FBRSL1: variants seen among roughly 807,000 people sequenced by gnomAD.
FBRSL1 encodes fibrosin like 1.
In FBRSL1, 51 loss-of-function variants were observed where a neutral mutation model predicts 89.6. The observed-to-expected ratio is 0.57, with a 90% CI of 0.45 to 0.72. The LOEUF is 0.72. Ranked by LOEUF, FBRSL1 falls within the 30% of genes least tolerant of loss-of-function variation. FBRSL1 has a pLI of 0.00. For synonymous variants in FBRSL1, 779 were observed against 681.1 expected, an observed-to-expected ratio of 1.14 and a Z score of -2.24; for missense variants, 1,618 against 1,451.8, an observed-to-expected ratio of 1.11 and a Z score of -1.86.
chr12:132,573,688 C>T (rs867475957), intron 11 of FBRSL1, among the ~76,000 whole-genome samples: 4 of 152,236 alleles, frequency 2.6e-5, no homozygotes, highest in Non-Finnish European at 5.9e-5. Flanking sequence ...GTGTGATGGC[C>T]GGTCTTTGCT....
At chr12:132,491,877 G>T (rs1045850036) in intron 1 of FBRSL1, among the ~76,000 whole-genome samples, 7 of 152,250 alleles carry the variant, frequency 4.6e-5, no homozygotes, top group Non-Finnish European at 1.0e-4. Flanking sequence ...CAGAGCTGGG[G>T]CTTCGTGTCC....
rs187027428 is a variant in FBRSL1 at position 132,564,722 on chromosome 12, C to G, written c.646-2759C>G. On this transcript the variant is annotated intron_variant, in intron 5 of 18. Transcript: ENST00000680143. Reference sequence around the variant, plus strand: ...GTGTTAGCCAGGATGGTCTCGATCTCCTGACCTCGTGATCCGCCCTCCTCG... The same window carrying G: ...GTGTTAGCCAGGATGGTCTCGATCTGCTGACCTCGTGATCCGCCCTCCTCG... Among the ~76,000 whole-genome samples, 143 of 71,902 alleles carry G rather than the reference C, an allele frequency of 2.0e-3. 7 individuals carry two copies. The highest frequency in any genetic ancestry group is 7.0e-3 in the African/African-American group (84 of 11,922). The allele number at this position is 71,902 out of a possible 152,430, so 47.2% of individuals were successfully genotyped here.
intron 5 of FBRSL1, among the ~76,000 whole-genome samples, chr12:132,559,410 G>A (rs1209277139): frequency 6.6e-6 from 1 of 151,822 alleles, no homozygotes; most frequent in Non-Finnish European, 1.5e-5. Context: ...TCCTTTTTTT[G>A]AGACCTTGTC....
chr12:132,535,440 G>A (rs1355097565), intron 4 of FBRSL1, among the ~76,000 whole-genome samples: 1 of 152,258 alleles, frequency 6.6e-6, no homozygotes, highest in Non-Finnish European at 1.5e-5. Context: ...ACACTGGTGA[G>A]GCCTCTGAGG....
rs549929710 is a variant in FBRSL1 at position 132,569,071 on chromosome 12, G to A, written c.692-855G>A. The stretch of plus-strand genomic sequence containing the variant: ...TGGAACGTTGTTTTGTTTCTCCTGC[G>A]AAACTGGCCCCCTGACCGTGGCAGC... On this transcript the variant is annotated intron_variant, in intron 6 of 18. Coordinates refer to ENST00000680143, the MANE Select transcript of FBRSL1 (RefSeq NM_001367871.1). 8.5e-5 allele frequency among the ~76,000 whole-genome samples: 13 copies of A among 152,272 alleles called. No homozygotes were observed. In the South Asian group the frequency reaches 1.7e-3, roughly 19 times the overall value.
intron 18 of FBRSL1, among the ~76,000 whole-genome samples, chr12:132,582,593 C>T (rs1018590418): frequency 6.6e-6 from 1 of 151,858 alleles, no homozygotes; most frequent in Non-Finnish European, 1.5e-5. Flanking sequence ...GGGTGAAGAC[C>T]CCACCACAGG....
chr12:132,556,419 C>T (rs1233299034), intron 5 of FBRSL1, among the ~76,000 whole-genome samples: 2 of 152,132 alleles, frequency 1.3e-5, no homozygotes, highest in African/African-American at 4.8e-5. Context: ...CCCCACGCCA[C>T]GACTCAAGGC....
At chr12:132,573,600 G>A (rs192944121) in intron 11 of FBRSL1, among the ~76,000 whole-genome samples, 4 of 152,298 alleles carry the variant, frequency 2.6e-5, no homozygotes, top group South Asian at 2.1e-4. Context: ...GCCGCACCCC[G>A]AGCACAGCTG....
intron 4 of FBRSL1, among the ~76,000 whole-genome samples, chr12:132,539,482 C>T (rs2037047506): frequency 9.0e-6 from 1 of 110,964 alleles, no homozygotes; most frequent in Non-Finnish European, 1.8e-5. Context: ...CCCACCCAGT[C>T]CTGCCCTCCA....
chr12:132,528,456 C>T (rs1310855767), intron 4 of FBRSL1, among the ~76,000 whole-genome samples: 2 of 152,136 alleles, frequency 1.3e-5, no homozygotes, highest in Admixed American at 6.5e-5. Context: ...TGCCTCACCC[C>T]GGACAGAAAG....
In FBRSL1 at chr12:132,582,174, G is replaced by T; in HGVS notation, c.2109G>T (p.Pro703=). The T allele has an allele frequency of 5.2e-6, 8 of 1,550,026 alleles. No homozygotes were observed. The highest frequency in any genetic ancestry group is 7.0e-6 in the Non-Finnish European group (8 of 1,146,806). ...LHRAPPSFPA[P]PPWPKSVDAE... is the part of the protein sequence containing the mutation. ...GGGCACCGCCCTCCTTCCCGGCTCC[G>T]CCCCCGTGGCCCAAGTCCGTGGACG... Residue 703 remains proline, a synonymous_variant, in exon 18 of 19, where the codon CCG becomes CCT. Transcript: ENST00000680143.
chr12:132,538,899 C>T (rs895175118), intron 4 of FBRSL1, among the ~76,000 whole-genome samples: 5 of 152,276 alleles, frequency 3.3e-5, no homozygotes, highest in Admixed American at 6.5e-5. Context: ...CCCAGGACAG[C>T]GAGAGGAAGG....
chr12:132,558,367 C>T (rs887802487), intron 5 of FBRSL1, among the ~76,000 whole-genome samples: 1 of 152,214 alleles, frequency 6.6e-6, no homozygotes, highest in Admixed American at 6.5e-5. Context: ...GTTTTCTCGT[C>T]GGTGAGACGA....
chr12:132,536,191 C>T (rs2036723103), intron 4 of FBRSL1, among the ~76,000 whole-genome samples: 1 of 145,112 alleles, frequency 6.9e-6, no homozygotes, highest in Admixed American at 6.8e-5. Context: ...TGTGAGTGCA[C>T]ATGTACATGA....
chr12:132,526,293 A>G (rs749905097), intron 3 of FBRSL1, among the ~76,000 whole-genome samples: 32 of 152,196 alleles, frequency 2.1e-4, no homozygotes, highest in Non-Finnish European at 4.1e-4. Context: ...GCATCTCATT[A>G]TCATTTAAAT....
At chr12:132,548,107 G>C in intron 5 of FBRSL1, 75 bp downstream of exon 5, 1 of 1,510,042 alleles carries the variant, frequency 6.6e-7, no homozygotes, top group Non-Finnish European at 9.0e-7. Flanking sequence ...CTGTGAGGTG[G>C]GCCCTGGAGA....
chr12:132,521,541 C>A (rs2035356492), intron 2 of FBRSL1, among the ~76,000 whole-genome samples: 1 of 152,316 alleles, frequency 6.6e-6, no homozygotes. Context: ...GACTCTCACC[C>A]TCGCTCCCAG....
rs1466402992 is a variant in FBRSL1, at chr12:132,576,885, C to T, written c.1788C>T (p.Gly596=). The part of the protein sequence containing the change: ...GRPPAPGVFA[G]FHYPQDLARP... Reference sequence around the variant, plus strand: ...CCCCTGCCCCGGGCGTGTTTGCAGGCTTCCACTACCCACAGGACCTGGCCC... The same window carrying T: ...CCCCTGCCCCGGGCGTGTTTGCAGGTTTCCACTACCCACAGGACCTGGCCC... The change falls in exon 15 of 19, where the codon GGC becomes GGT. Residue 596 remains glycine (G), a synonymous_variant. Coordinates refer to ENST00000680143, the MANE Select transcript of FBRSL1 (RefSeq NM_001367871.1). 6.4e-7 allele frequency: 1 copy of T among 1,550,782 alleles called. No individual in the cohort carries two copies. The highest frequency in any genetic ancestry group is 1.4e-5 in the African/African-American group (1 of 73,048).
intron 1 of FBRSL1, among the ~76,000 whole-genome samples, chr12:132,492,953 T>C (rs2031331767): frequency 6.6e-6 from 1 of 152,216 alleles, no homozygotes; most frequent in Admixed American, 6.5e-5. Context: ...ATATCAATAG[T>C]AGTGACTGGT....
Sources: allele counts gnomAD v4.1 joint callset (sites outside exome capture counted in the v4.1 genomes callset), GRCh38; gene constraint gnomAD v4.1.1; transcripts MANE v1.5; gene names NCBI Gene and HGNC (gene_info 2026-07-23, HGNC 2026-07-21).